Variants in GABRB3 observed in about 807,000 individuals in gnomAD.
The protein encoded by GABRB3 is gamma-aminobutyric acid type A receptor subunit beta3.
A neutral mutation model predicts 52.1 loss-of-function variants in GABRB3; 14 were observed. The ratio of observed to expected loss-of-function variants is 0.27; its 90% confidence interval spans 0.18 to 0.42. The LOEUF is 0.42. Ranked by LOEUF, GABRB3 falls within the 10% of genes least tolerant of loss-of-function variation. The pLI, the probability that GABRB3 is intolerant of heterozygous loss-of-function variation, is 1.00. For synonymous variants in GABRB3, 260 were observed against 232.3 expected (o/e 1.12, Z -1.08); for missense variants, 307 against 609.1 (o/e 0.50, Z 5.22).
chr15:26,769,733 C>T (rs1027589810), intron 3 of GABRB3, among the ~76,000 whole-genome samples: 2 of 152,162 alleles, frequency 1.3e-5, no homozygotes, highest in African/African-American at 4.8e-5. Flanking sequence ...TCAAATACCT[C>T]CTTCCTCCCA....
intron 4 of GABRB3, among the ~76,000 whole-genome samples, chr15:26,586,394 C>T (rs1326921879): frequency 1.1e-4 from 1 of 9,446 alleles, no homozygotes; most frequent in East Asian, 5.3e-3. Flanking sequence ...TCAAACCACC[C>T]CTAACACACA....
Position 26,770,659 on chromosome 15 carries a change from T to C in GABRB3, c.240+1743A>G, listed in dbSNP as rs1045947581. On this transcript the variant is annotated intron_variant, in intron 3 of 8. Transcript: ENST00000311550. ...TAGAGTTCTTAAAGGGCCAAATCAA[T>C]ACATTTTCTCTTCCACCTGCCATCC... 2.0e-5 allele frequency among the ~76,000 whole-genome samples: 3 copies of C among 152,252 alleles called. 1 individual carries two copies. The highest frequency in any genetic ancestry group is 4.1e-4 in the South Asian group (2 of 4,832).
intron 7 of GABRB3, among the ~76,000 whole-genome samples, chr15:26,564,646 C>T (rs531046877): frequency 2.6e-5 from 4 of 152,102 alleles, no homozygotes; most frequent in Non-Finnish European, 4.4e-5. Context: ...GCACTGTAAG[C>T]ATTTCAAAGC....
At chr15:26,663,401 A>T (rs927827594) in intron 3 of GABRB3, among the ~76,000 whole-genome samples, 1 of 152,176 alleles carries the variant, frequency 6.6e-6, no homozygotes, top group Admixed American at 6.5e-5. Flanking sequence ...CACGAATTTC[A>T]TGGTTTTGAT....
At chr15:26,558,909 AT>A (rs1889867225) in intron 8 of GABRB3, among the ~76,000 whole-genome samples, 1 of 152,124 alleles carries the variant, frequency 6.6e-6, no homozygotes, top group Admixed American at 6.5e-5. Context: ...GTTTAACTGG[AT>A]CACAGTTCTG....
At chr15:26,692,799 C>G (rs2140666603) in intron 3 of GABRB3, among the ~76,000 whole-genome samples, 1 of 152,278 alleles carries the variant, frequency 6.6e-6, no homozygotes, top group African/African-American at 2.4e-5. Context: ...TGCATGTACA[C>G]TAGGATGCTT....
intron 3 of GABRB3, among the ~76,000 whole-genome samples, chr15:26,649,632 T>C (rs1352637176): frequency 3.6e-5 from 5 of 138,156 alleles, no homozygotes; most frequent in Admixed American, 2.9e-4. Flanking sequence ...GCTGAGCCCA[T>C]AGAAGAAAGC....
intron 3 of GABRB3, among the ~76,000 whole-genome samples, chr15:26,682,930 T>C (rs987766383): frequency 2.6e-5 from 4 of 152,160 alleles, no homozygotes; most frequent in African/African-American, 9.7e-5. Context: ...CCTCTCACAG[T>C]GCCAGGAGCT....
intron 8 of GABRB3, among the ~76,000 whole-genome samples, chr15:26,551,920 C>T (rs1889482436): frequency 6.6e-6 from 1 of 151,750 alleles, no homozygotes; most frequent in Admixed American, 6.6e-5. Context: ...AGGGCATTTT[C>T]TTATATTTTT....
intron 4 of GABRB3, among the ~76,000 whole-genome samples, chr15:26,601,334 C>T (rs368893722): frequency 3.2e-4 from 48 of 151,944 alleles, no homozygotes; most frequent in African/African-American, 9.9e-4. Flanking sequence ...TGCTTGAACC[C>T]GGGAGGCAGA....
At chr15:26,663,730 G>C (rs1887619715) in intron 3 of GABRB3, among the ~76,000 whole-genome samples, 1 of 152,108 alleles carries the variant, frequency 6.6e-6, no homozygotes, top group African/African-American at 2.4e-5. Flanking sequence ...ATAGCCTTGA[G>C]AGGTCAAGGC....
At chr15:26,592,996 C>G (rs1010165694) in intron 4 of GABRB3, among the ~76,000 whole-genome samples, 1 of 152,116 alleles carries the variant, frequency 6.6e-6, no homozygotes, top group African/African-American at 2.4e-5. Flanking sequence ...GCCTGGGCAA[C>G]AGAGTGAGAC....
chr15:26,580,532 C>T (rs1235672504), intron 5 of GABRB3, 76 bp from the exon 6 acceptor site: 1 of 1,585,136 alleles, frequency 6.3e-7, no homozygotes, highest in Non-Finnish European at 8.7e-7. Context: ...CTATCATTAA[C>T]ATGGAGGTTG....
At chr15:26,554,156 ATAAAG>A (rs1350739922) in intron 8 of GABRB3, among the ~76,000 whole-genome samples, 1 of 41,484 alleles carries the variant, frequency 2.4e-5, no homozygotes, top group African/African-American at 1.2e-4. Flanking sequence ...ATATATATAT[ATAAAG>A]TATATATATA....
At chr15:26,624,556 C>T (rs1892613954) in intron 3 of GABRB3, 8 of 985,314 alleles carry the variant, frequency 8.1e-6, no homozygotes, top group South Asian at 4.7e-5. Flanking sequence ...TGTCGCTCTC[C>T]GCACCACCAG....
chr15:26,551,787 G>T (rs1390520009), intron 8 of GABRB3, among the ~76,000 whole-genome samples: 1 of 152,168 alleles, frequency 6.6e-6, no homozygotes, highest in Non-Finnish European at 1.5e-5. Flanking sequence ...CCACTAGACG[G>T]AGTGGTCTCC....
intron 4 of GABRB3, among the ~76,000 whole-genome samples, chr15:26,603,033 AAG>A (rs1184267898): frequency 1.3e-5 from 2 of 152,110 alleles, no homozygotes; most frequent in East Asian, 3.8e-4. Context: ...ACTACAAAAA[AAG>A]AGAGGGAAGA....
chr15:26,627,003 G>A (rs1892724212), intron 3 of GABRB3, among the ~76,000 whole-genome samples: 1 of 152,166 alleles, frequency 6.6e-6, no homozygotes, highest in Non-Finnish European at 1.5e-5. Context: ...AGCTTCAAAT[G>A]ACAGGCTGAC....
intron 4 of GABRB3, among the ~76,000 whole-genome samples, chr15:26,584,125 C>T (rs1890892059): frequency 1.3e-5 from 2 of 152,178 alleles, no homozygotes; most frequent in Non-Finnish European, 2.9e-5. Flanking sequence ...GCAAAATCTA[C>T]CCTCTTGCAA....
Sources: allele counts gnomAD v4.1 joint callset (sites outside exome capture counted in the v4.1 genomes callset), GRCh38; gene constraint gnomAD v4.1.1; transcripts MANE v1.5; gene names NCBI Gene and HGNC (gene_info 2026-07-23, HGNC 2026-07-21).